The following MBNL1 variants were observed in gnomAD, a reference collection of about 807,000 sequenced individuals.
MBNL1 encodes muscleblind-like protein 1.
Under a neutral mutation model 42.2 loss-of-function variants are expected in MBNL1, and 8 were observed. The observed-to-expected ratio is 0.19, with a 90% CI of 0.11 to 0.34. MBNL1 has a LOEUF of 0.34. Ranked by LOEUF, MBNL1 falls within the 10% of genes least tolerant of loss-of-function variation. The pLI, the probability that MBNL1 is intolerant of heterozygous loss-of-function variation, is 1.00. For synonymous variants in MBNL1, 169 were observed against 173.9 expected (o/e 0.97, Z 0.22); for missense variants, 309 against 495.3 (o/e 0.62, Z 3.57).
At chr3:152,316,974 A>C (rs2072127697) in intron 2 of MBNL1, among the ~76,000 whole-genome samples, 1 of 152,114 alleles carries the variant, frequency 6.6e-6, no homozygotes. Context: ...TTTCTTATTC[A>C]TAGTTAGAAG....
At chr3:152,286,872 G>C (rs2052716686) in intron 1 of MBNL1, among the ~76,000 whole-genome samples, 1 of 152,136 alleles carries the variant, frequency 6.6e-6, no homozygotes, top group African/African-American at 2.4e-5. Flanking sequence ...ATGCTAAGTT[G>C]TAGTGAACTG....
intron 1 of MBNL1, among the ~76,000 whole-genome samples, chr3:152,288,681 A>G (rs922108283): frequency 1.3e-5 from 2 of 152,110 alleles, no homozygotes; most frequent in Non-Finnish European, 2.9e-5. Context: ...CCTTTTGTTA[A>G]TAAGAAAATA....
intron 2 of MBNL1, among the ~76,000 whole-genome samples, chr3:152,250,829 AG>A (rs1426500492): frequency 3.3e-5 from 5 of 152,026 alleles, no homozygotes; most frequent in Non-Finnish European, 5.9e-5. Context: ...TTTGGCATGA[AG>A]GGTTGTTGAA....
intron 1 of MBNL1, among the ~76,000 whole-genome samples, chr3:152,273,838 A>G (rs142573692): frequency 6.6e-6 from 1 of 152,310 alleles, no homozygotes; most frequent in East Asian, 1.9e-4. Context: ...GAGGTGAATA[A>G]TAGTTGATAA....
chr3:152,357,037 C>T (rs138361082), intron 2 of MBNL1, among the ~76,000 whole-genome samples: 26 of 152,154 alleles, frequency 1.7e-4, no homozygotes, highest in African/African-American at 5.3e-4. Flanking sequence ...ATGCTATTGA[C>T]GTAAATGTTG....
intron 2 of MBNL1, among the ~76,000 whole-genome samples, chr3:152,251,466 A>G (rs2149402531): frequency 6.6e-6 from 1 of 152,256 alleles, no homozygotes; most frequent in Non-Finnish European, 1.5e-5. Context: ...GCTATTAATT[A>G]TAGTCACTAC....
At chr3:152,376,259 G>C (rs1213146338) in intron 2 of MBNL1, among the ~76,000 whole-genome samples, 2 of 152,088 alleles carry the variant, frequency 1.3e-5, no homozygotes, top group African/African-American at 4.8e-5. Flanking sequence ...TTTTTCTTGA[G>C]AAAAGACTAT....
At chr3:152,445,640 A>T (rs1017906867) in intron 5 of MBNL1, 101 bp downstream of exon 5, 3 of 1,327,060 alleles carry the variant, frequency 2.3e-6, no homozygotes, top group African/African-American at 2.9e-5. Flanking sequence ...TTTTTAAAAA[A>T]ATTGCTGAAG....
At chr3:152,387,853 T>C (rs2097517608) in intron 2 of MBNL1, among the ~76,000 whole-genome samples, 1 of 152,128 alleles carries the variant, frequency 6.6e-6, no homozygotes, top group Admixed American at 6.5e-5. Context: ...TGTGGGTATA[T>C]TTGTATGAAT....
chr3:152,316,801 T>C (rs985790853), intron 2 of MBNL1, among the ~76,000 whole-genome samples: 2 of 152,168 alleles, frequency 1.3e-5, no homozygotes, highest in Admixed American at 6.5e-5. Context: ...TTTCACATGC[T>C]CCAGACTTTC....
At chr3:152,397,405 C>T (rs954465267) in intron 2 of MBNL1, among the ~76,000 whole-genome samples, 3 of 152,018 alleles carry the variant, frequency 2.0e-5, no homozygotes, top group African/African-American at 4.8e-5. Context: ...CCCCTCCCTT[C>T]GTCCATGTGT....
Position 152,324,548 on chromosome 3 carries a change from T to C in MBNL1, c.174+24181T>C, listed in dbSNP as rs947163162. 3.3e-5 allele frequency among the ~76,000 whole-genome samples: 5 copies of C among 152,172 alleles called. 1 individual carries two copies. In the South Asian group the frequency reaches 6.2e-4, roughly 19 times the overall value. On this transcript the variant is annotated intron_variant, in intron 2 of 9. Coordinates refer to ENST00000324210, the MANE Select transcript of MBNL1 (RefSeq NM_021038.5). ...GGTGAGAGCGTTTACACTTTGGAAA[T>C]TGGCAGATGGCAACCATAGTTCTCT...
chr3:152,384,657 G>A (rs946002819), intron 2 of MBNL1, among the ~76,000 whole-genome samples: 2 of 152,112 alleles, frequency 1.3e-5, no homozygotes, highest in African/African-American at 4.8e-5. Context: ...ACTTAAGCAG[G>A]TCATTTCCAG....
intron 2 of MBNL1, among the ~76,000 whole-genome samples, chr3:152,384,255 T>A (rs538904717): frequency 2.6e-5 from 4 of 152,204 alleles, no homozygotes; most frequent in African/African-American, 9.6e-5. Flanking sequence ...AGCATAACGA[T>A]TGGAGTAGCC....
rs1559934435 is a variant in MBNL1, at chr3:152,252,173, T to TTCCG, written n.333+7736_333+7737insGTCC. Among the ~76,000 whole-genome samples the TTCCG allele has an allele frequency of 2.4e-4, 27 of 111,312 alleles. No individual in the cohort carries two copies. In the South Asian group the frequency reaches 8.6e-3, roughly 36 times the overall value. The allele number at this position is 111,312 out of a possible 152,430, so 73.0% of individuals were successfully genotyped here. A position where few individuals can be genotyped will look rare whatever the true frequency, so the allele number is the denominator to read the frequency against. ...CTTCCTTCCTTCCTTCCTTCCTTCC[T>TTCCG]TCCTTCCCTCCTTCCTTCCTTCCCT... On this transcript the variant is annotated intron_variant and non_coding_transcript_variant, in intron 2 of 2. Coordinates refer to the MBNL1 transcript ENST00000477171.
At chr3:152,344,793 CTAT>C (rs2093944880) in intron 2 of MBNL1, among the ~76,000 whole-genome samples, 1 of 152,084 alleles carries the variant, frequency 6.6e-6, no homozygotes, top group Non-Finnish European at 1.5e-5. Context: ...TCCATTTGTG[CTAT>C]TATTATTTTC....
chr3:152,432,383 A>G (rs1373030199), intron 3 of MBNL1, among the ~76,000 whole-genome samples: 1 of 152,220 alleles, frequency 6.6e-6, no homozygotes, highest in Non-Finnish European at 1.5e-5. Context: ...AATCAGGACA[A>G]AGATGAAGAT....
At chr3:152,268,841 T>C (rs775693456), upstream of MBNL1, 1 of 437,114 alleles carries the variant, frequency 2.3e-6, no homozygotes, top group African/African-American at 2.1e-5. Context: ...CTGGGCTTCC[T>C]GGTGGGGCTG....
intron 2 of MBNL1, among the ~76,000 whole-genome samples, chr3:152,320,969 T>G (rs972847298): frequency 6.6e-6 from 1 of 152,102 alleles, no homozygotes; most frequent in African/African-American, 2.4e-5. Flanking sequence ...CTTCTAATCT[T>G]TAATCTGAAG....
Sources: allele counts gnomAD v4.1 joint callset (sites outside exome capture counted in the v4.1 genomes callset), GRCh38; gene constraint gnomAD v4.1.1; transcripts MANE v1.5; gene names NCBI Gene and HGNC (gene_info 2026-07-23, HGNC 2026-07-21).